The following ARHGEF3 variants were observed in gnomAD, a reference collection of about 807,000 sequenced individuals.
ARHGEF3 encodes the protein 59.8 kDA protein.
Under a neutral mutation model 63.2 loss-of-function variants are expected in ARHGEF3, and 28 were observed. That is an observed-to-expected ratio of 0.44 (90% CI 0.33 to 0.61). The LOEUF is 0.61. ARHGEF3 is among the 20% of genes least tolerant of loss of function. The pLI is 0.03. For missense variants in ARHGEF3, 533 were observed against 659.3 expected (o/e 0.81, Z 2.10); for synonymous variants, 266 against 254.2 (o/e 1.05, Z -0.44).
chr3:56,822,791 T>C (rs1441084597), intron 4 of ARHGEF3, among the ~76,000 whole-genome samples: 2 of 149,900 alleles, frequency 1.3e-5, no homozygotes, highest in Non-Finnish European at 3.0e-5. Context: ...AAGGTGGCGG[T>C]TGCAGTGAGC....
intron 3 of ARHGEF3, among the ~76,000 whole-genome samples, chr3:56,953,595 T>C (rs556085266): frequency 6.6e-6 from 1 of 152,160 alleles, no homozygotes; most frequent in Non-Finnish European, 1.5e-5. Context: ...TCCCTGACTA[T>C]GGAGGGAGGC....
intron 3 of ARHGEF3, among the ~76,000 whole-genome samples, chr3:56,917,190 A>G (rs561253037): frequency 6.6e-6 from 1 of 152,312 alleles, no homozygotes; most frequent in South Asian, 2.1e-4. Flanking sequence ...ATTGAAAACT[A>G]TGCCTGGCTC....
rs754344451 is a variant in ARHGEF3, at chr3:57,067,316, G to A, written c.-28+11910C>T. On this transcript the variant is annotated intron_variant, in intron 1 of 12. Coordinates refer to the ARHGEF3 transcript ENST00000338458. The stretch of plus-strand genomic sequence containing the variant: ...AATACAAAAACAAAATTAGCCGGGC[G>A]TGGTGGCGGGCGCCTGTACTCCCAG... Among the ~76,000 whole-genome samples the A allele has an allele frequency of 6.6e-5, 10 of 151,786 alleles. No homozygotes were observed. In the South Asian group the frequency reaches 8.3e-4, roughly 13 times the overall value.
intron 4 of ARHGEF3, among the ~76,000 whole-genome samples, chr3:56,813,395 G>T (rs543863788): frequency 6.6e-6 from 1 of 152,136 alleles, no homozygotes; most frequent in Non-Finnish European, 1.5e-5. Context: ...AAATTTTCTA[G>T]AATGTTTTGA....
At chr3:57,057,267 A>G (rs1704985252) in intron 1 of ARHGEF3, among the ~76,000 whole-genome samples, 1 of 152,020 alleles carries the variant, frequency 6.6e-6, no homozygotes, top group Non-Finnish European at 1.5e-5. Flanking sequence ...GCGTGCCACC[A>G]CACTTGGCTA....
intron 6 of ARHGEF3, among the ~76,000 whole-genome samples, chr3:56,747,586 A>G (rs1035573328): frequency 6.6e-6 from 1 of 152,186 alleles, no homozygotes; most frequent in Non-Finnish European, 1.5e-5. Flanking sequence ...GCCTGTAATC[A>G]TATTACTTTG....
At chr3:57,005,279 G>C (rs1371005435) in intron 2 of ARHGEF3, among the ~76,000 whole-genome samples, 1 of 152,102 alleles carries the variant, frequency 6.6e-6, no homozygotes, top group Non-Finnish European at 1.5e-5. Flanking sequence ...CTACATCCTA[G>C]GTACTAACAT....
At chr3:56,844,901 C>A (rs2039433129) in intron 4 of ARHGEF3, among the ~76,000 whole-genome samples, 1 of 152,202 alleles carries the variant, frequency 6.6e-6, no homozygotes, top group African/African-American at 2.4e-5. Flanking sequence ...CCATATAGAA[C>A]ATGGCAAGAT....
chr3:56,994,055 A>T (rs1701872661), intron 2 of ARHGEF3, among the ~76,000 whole-genome samples: 3 of 127,276 alleles, frequency 2.4e-5, no homozygotes, highest in African/African-American at 9.1e-5. Flanking sequence ...CAAGAGTGAA[A>T]CTTCGTCTCA....
chr3:56,898,305 G>C (rs1443869000), intron 3 of ARHGEF3, among the ~76,000 whole-genome samples: 1 of 152,160 alleles, frequency 6.6e-6, no homozygotes, highest in Non-Finnish European at 1.5e-5. Flanking sequence ...CACTGCCCAG[G>C]TTCAAGCAAT....
chr3:56,965,087 C>CA (rs990322239), intron 2 of ARHGEF3, among the ~76,000 whole-genome samples: 10 of 152,024 alleles, frequency 6.6e-5, no homozygotes, highest in African/African-American at 2.2e-4. Flanking sequence ...ACCAACTCTA[C>CA]AAAAAAAATT....
chr3:57,053,195 C>CCT (rs1222894285), intron 1 of ARHGEF3, among the ~76,000 whole-genome samples: 1 of 152,158 alleles, frequency 6.6e-6, no homozygotes, highest in African/African-American at 2.4e-5. Context: ...GGCCACCCTC[C>CCT]CTCTCAAGCG....
intron 4 of ARHGEF3, among the ~76,000 whole-genome samples, chr3:56,838,420 T>G (rs1341868949): frequency 1.3e-5 from 2 of 152,196 alleles, no homozygotes; most frequent in African/African-American, 2.4e-5. Flanking sequence ...TCACTTTTCA[T>G]TGGTTTTACC....
intron 8 of ARHGEF3, among the ~76,000 whole-genome samples, chr3:56,735,921 C>G (rs2033587444): frequency 6.6e-6 from 1 of 152,114 alleles, no homozygotes; most frequent in South Asian, 2.1e-4. Flanking sequence ...CTTGAATTAT[C>G]AAAACTTTAT....
intron 2 of ARHGEF3, among the ~76,000 whole-genome samples, chr3:57,029,463 T>C (rs1392270573): frequency 1.3e-5 from 2 of 151,928 alleles, no homozygotes; most frequent in African/African-American, 4.8e-5. Flanking sequence ...CTCATTGTCC[T>C]GATCACATAG....
intron 4 of ARHGEF3, among the ~76,000 whole-genome samples, chr3:56,859,231 G>A (rs1018675732): frequency 1.4e-4 from 21 of 150,984 alleles, no homozygotes; most frequent in South Asian, 4.2e-4. Context: ...TCTGCCTCCC[G>A]GGTTCACGCC....
intron 4 of ARHGEF3, among the ~76,000 whole-genome samples, chr3:56,876,064 C>T (rs1041128048): frequency 9.9e-5 from 15 of 151,962 alleles, no homozygotes; most frequent in Non-Finnish European, 1.3e-4. Flanking sequence ...AGGTGAAATG[C>T]GGGGAGAAGA....
Position 56,732,097 on chromosome 3 carries a change from A to G in ARHGEF3, c.1228+141T>C. 7.9e-6 allele frequency: 8 copies of G among 1,012,016 alleles called. No individual in the cohort carries two copies. In the South Asian group the frequency reaches 1.1e-4, roughly 14 times the overall value. 62.7% of individuals were successfully genotyped at this position (1,012,016 alleles called of 1,614,324 possible). A position where few individuals can be genotyped will look rare whatever the true frequency, so the allele number is the denominator to read the frequency against. The stretch of plus-strand genomic sequence containing the variant: ...GAATCACAGGGACTAAACAAAGTAC[A>G]TAATCAGGAAGTGATGAAATAGCAT... On this transcript the variant is annotated intron_variant, in intron 9 of 9. Transcript: ENST00000296315.
chr3:57,033,541 G>A (rs1290863210), intron 2 of ARHGEF3, among the ~76,000 whole-genome samples: 6 of 151,424 alleles, frequency 4.0e-5, no homozygotes, highest in African/African-American at 1.5e-4. Flanking sequence ...TTTAAAAACA[G>A]AAAGAAAAAA....
Sources: gnomAD v4.1 joint callset for allele counts (sites outside exome capture counted in the v4.1 genomes callset) on GRCh38, gnomAD v4.1.1 for gene constraint, MANE v1.5 for transcripts, NCBI Gene and HGNC (gene_info 2026-07-23, HGNC 2026-07-21) for gene names.